The following PLEKHO2 variants were observed in gnomAD, a reference collection of about 807,000 sequenced individuals.
The protein encoded by PLEKHO2 is pleckstrin homology domain containing O2.
PLEKHO2 carries 20 observed loss-of-function variants against 32.7 expected under a neutral mutation model. That is an observed-to-expected ratio of 0.61 (90% CI 0.43 to 0.89). The LOEUF is 0.89. PLEKHO2 is among the 40% of genes least tolerant of loss of function. The pLI is 0.00. For synonymous variants in PLEKHO2, 247 were observed against 246.3 expected, an observed-to-expected ratio of 1.00 and a Z score of -0.03; for missense variants, 568 against 621.2, an observed-to-expected ratio of 0.91 and a Z score of 0.91.
intron 1 of PLEKHO2, among the ~76,000 whole-genome samples, chr15:64,842,679 C>T (rs1183925265): frequency 6.6e-6 from 1 of 152,116 alleles, no homozygotes; most frequent in African/African-American, 2.4e-5. Context: ...ATCGGGAGTC[C>T]GGCCCACCTA....
intron 1 of PLEKHO2, among the ~76,000 whole-genome samples, chr15:64,844,464 C>T (rs903844703): frequency 1.3e-5 from 2 of 152,188 alleles, no homozygotes; most frequent in Non-Finnish European, 2.9e-5. Flanking sequence ...TTATTGCTGC[C>T]ATTGGAGTAA....
chr15:64,845,710 G>T (rs933708711), intron 1 of PLEKHO2, among the ~76,000 whole-genome samples: 1 of 152,214 alleles, frequency 6.6e-6, no homozygotes, highest in Non-Finnish European at 1.5e-5. Context: ...AGGTAATCCA[G>T]TCACAGTATT....
At position 64,864,959 on chromosome 15, in the gene PLEKHO2, C is replaced by A. The variant is rs1013134073; in HGVS notation, c.544C>A (p.Pro182Thr). ...GGATCTTGATGTTCCGGACAGTGGG[C>A]CACCAGTGTTTGCCCCCAGCAATCA... Reference protein sequence around the residue: ...RLDLDVPDSGPPVFAPSNHVS... With the variant: ...RLDLDVPDSGTPVFAPSNHVS... Residue 182 changes from proline (P) to threonine (T), a missense_variant, in exon 6 of 6, where the codon CCA (proline) becomes ACA (threonine). Transcript: ENST00000323544. 5 of 1,614,040 alleles carry A rather than the reference C, an allele frequency of 3.1e-6. No individual in the cohort carries two copies. The highest frequency in any genetic ancestry group is 8.5e-7 in the Non-Finnish European group (1 of 1,179,982).
At chr15:64,859,815 A>C in intron 3 of PLEKHO2, 79 bp from the exon 4 acceptor site, 1 of 1,202,838 alleles carries the variant, frequency 8.3e-7, no homozygotes, top group South Asian at 1.2e-5. Flanking sequence ...TTTGGGATCT[A>C]GGTAAGGAAG....
intron 3 of PLEKHO2, among the ~76,000 whole-genome samples, chr15:64,856,956 A>G (rs1003319161): frequency 5.9e-5 from 9 of 151,680 alleles, no homozygotes; most frequent in Non-Finnish European, 1.2e-4. Flanking sequence ...TTTCCCCTCT[A>G]ATCAAATAAA....
At chr15:64,852,677 G>A (rs1402260021) in intron 2 of PLEKHO2, among the ~76,000 whole-genome samples, 1 of 151,870 alleles carries the variant, frequency 6.6e-6, no homozygotes. Flanking sequence ...CTGGAGTGCA[G>A]TGGTGCTATC....
chr15:64,850,278 A>G (rs1023600979), intron 2 of PLEKHO2, among the ~76,000 whole-genome samples: 5 of 152,202 alleles, frequency 3.3e-5, no homozygotes, highest in Admixed American at 3.3e-4. Flanking sequence ...AGATTTTTAC[A>G]GAAGAGGATA....
intron 5 of PLEKHO2, among the ~76,000 whole-genome samples, chr15:64,862,163 G>T (rs1291259855): frequency 6.6e-6 from 1 of 152,124 alleles, no homozygotes; most frequent in Non-Finnish European, 1.5e-5. Context: ...GGGGTTGTGG[G>T]GAGGAAATTG....
At chr15:64,850,656 T>G (rs1204178019) in intron 2 of PLEKHO2, among the ~76,000 whole-genome samples, 5 of 152,232 alleles carry the variant, frequency 3.3e-5, no homozygotes, top group Admixed American at 3.3e-4. Flanking sequence ...CAACTTCTGC[T>G]GTCCTTGTGC....
rs1259922315 is a variant in PLEKHO2 at position 64,866,272 on chromosome 15, T to A, written c.*384T>A. On this transcript the variant is annotated 3_prime_UTR_variant, in exon 6 of 6. Coordinates refer to ENST00000323544, the MANE Select transcript of PLEKHO2 (RefSeq NM_025201.5). Reference sequence around the variant, plus strand: ...TCCCCAGTAGTTTACATTCCTGACTTCTGAATACAGCACAGCTGAGCCCCC... The same window carrying A: ...TCCCCAGTAGTTTACATTCCTGACTACTGAATACAGCACAGCTGAGCCCCC... 1.1e-5 allele frequency: 5 copies of A among 462,678 alleles called. No homozygotes were observed. The highest frequency in any genetic ancestry group is 2.2e-5 in the Non-Finnish European group (5 of 231,996). 28.7% of individuals were successfully genotyped at this position (462,678 alleles called of 1,614,324 possible).
At chr15:64,849,362 A>G (rs1299115138) in intron 2 of PLEKHO2, among the ~76,000 whole-genome samples, 1 of 151,320 alleles carries the variant, frequency 6.6e-6, no homozygotes, top group African/African-American at 2.4e-5. Flanking sequence ...TGGCCAGGAG[A>G]GTCTCAATCT....
intron 5 of PLEKHO2, among the ~76,000 whole-genome samples, chr15:64,863,741 G>C (rs1391755898): frequency 9.7e-6 from 1 of 102,670 alleles, no homozygotes; most frequent in African/African-American, 4.9e-5. Context: ...GACAGTGCGA[G>C]ACCCCCTTTT....
rs777664663 is a variant in PLEKHO2 at position 64,865,469 on chromosome 15, C to A, written c.1054C>A (p.Pro352Thr). The A allele has an allele frequency of 6.2e-7, 1 of 1,614,008 alleles. No individual in the cohort carries two copies. Among genetic ancestry groups the A allele is most frequent in the Admixed American group, 1.7e-5 (1 of 60,024 alleles). The change falls in exon 6 of 6, where the codon CCT (proline) becomes ACT (threonine). Residue 352 changes from proline (P) to threonine (T), a missense_variant. Pro to Thr is a conservative substitution (Grantham distance 38, BLOSUM62 -1). Transcript: ENST00000323544. Reference sequence around the variant, plus strand: ...GAATGGCATGGATGACAGTCCTGAGCCTGCCAAGCCCTCTCAGGCTGAGGG... The same window carrying A: ...GAATGGCATGGATGACAGTCCTGAGACTGCCAAGCCCTCTCAGGCTGAGGG... ...SVNGMDDSPE[P>T]AKPSQAEGTP...
At chr15:64,862,395 G>C (rs1275849936) in intron 5 of PLEKHO2, among the ~76,000 whole-genome samples, 2 of 152,062 alleles carry the variant, frequency 1.3e-5, no homozygotes, top group African/African-American at 4.8e-5. Context: ...ATTGAGTCAG[G>C]GGATTGGACC....
At chr15:64,864,572 C>T (rs1282491387) in intron 5 of PLEKHO2, among the ~76,000 whole-genome samples, 1 of 152,104 alleles carries the variant, frequency 6.6e-6, no homozygotes, top group Admixed American at 6.5e-5. Context: ...GAACTCTGTC[C>T]CCTGCCACCC....
chr15:64,855,681 T>A (rs1484003893), intron 3 of PLEKHO2, among the ~76,000 whole-genome samples: 2 of 152,172 alleles, frequency 1.3e-5, no homozygotes, highest in Non-Finnish European at 1.5e-5. Flanking sequence ...GTCTGGTGGG[T>A]GTTGACACAT....
At chr15:64,844,974 T>A (rs1039420459) in intron 1 of PLEKHO2, among the ~76,000 whole-genome samples, 1 of 152,204 alleles carries the variant, frequency 6.6e-6, no homozygotes, top group African/African-American at 2.4e-5. Context: ...AGACTGAAGG[T>A]TGCCCTGGGG....
chr15:64,854,552 C>T (rs1017171703), intron 2 of PLEKHO2, among the ~76,000 whole-genome samples: 2 of 152,258 alleles, frequency 1.3e-5, no homozygotes, highest in Non-Finnish European at 2.9e-5. Flanking sequence ...TGGCATCCTG[C>T]ATTCTTCTTC....
chr15:64,865,322 C>A lies in PLEKHO2; in HGVS notation c.907C>A (p.Pro303Thr). The A allele has an allele frequency of 1.2e-6, 2 of 1,613,852 alleles. No individual in the cohort carries two copies. The highest frequency in any genetic ancestry group is 2.7e-5 in the African/African-American group (2 of 75,026). ...CTGTTCTGAGACTTCTGAGGCTGCC[C>A]CCAGGGAGGGTGGGAAGCCCCCTAC... Reference protein sequence around the residue: ...APCSETSEAAPREGGKPPTPP... With the variant: ...APCSETSEAATREGGKPPTPP... Residue 303 changes from proline to threonine, a missense_variant, in exon 6 of 6, where the codon CCC becomes ACC. Transcript: ENST00000323544.
Sources: allele counts gnomAD v4.1 joint callset (sites outside exome capture counted in the v4.1 genomes callset), GRCh38; gene constraint gnomAD v4.1.1; transcripts MANE v1.5; gene names NCBI Gene and HGNC (gene_info 2026-07-23, HGNC 2026-07-21).